REPS2: variants seen among roughly 807,000 people sequenced by gnomAD.
REPS2 encodes the protein RALBP1 associated Eps domain containing 2, also known as ralBP1-associated Eps domain-containing protein 2.
Under a neutral mutation model 53.6 loss-of-function variants are expected in REPS2, and 23 were observed. That is an observed-to-expected ratio of 0.43 (90% CI 0.31 to 0.61). REPS2 has a LOEUF of 0.61. Among genes scored for constraint, REPS2 ranks in the 20% least tolerant of loss-of-function variants. The probability of loss-of-function intolerance (pLI) is 0.11; values close to 1 mark genes in which losing one functional copy is unlikely to be tolerated. For missense variants in REPS2, 446 were observed against 534.9 expected (o/e 0.83, Z 1.64); for synonymous variants, 238 against 218.6 (o/e 1.09, Z -0.78).
intron 1 of REPS2, among the ~76,000 whole-genome samples, chrX:16,982,949 C>A (rs760208118): frequency 1.9e-4 from 21 of 112,523 alleles, no homozygotes; most frequent in Non-Finnish European, 2.8e-4. Context: ...CAAGCAATGG[C>A]AGTTTTGCAT....
the REPS2 span, among the ~76,000 whole-genome samples, chrX:17,164,520 A>G: frequency 1.6e-4 from 18 of 112,451 alleles, no homozygotes; most frequent in African/African-American, 5.8e-4. Flanking sequence ...ATGATAAAAG[A>G]GTCAATTCAT....
the REPS2 span, among the ~76,000 whole-genome samples, chrX:17,168,531 C>T: frequency 9.0e-6 from 1 of 111,108 alleles, no homozygotes; most frequent in African/African-American, 3.3e-5. Context: ...CCCATAGCTT[C>T]TCAGGGATCT....
At chrX:17,012,567 G>T (rs747522173) in intron 2 of REPS2, among the ~76,000 whole-genome samples, 4 of 109,785 alleles carry the variant, frequency 3.6e-5, no homozygotes, top group African/African-American at 1.3e-4. Context: ...CCTAATCAAG[G>T]TGACAGACCC....
At chrX:17,029,423 G>A (rs1056862918) in intron 4 of REPS2, 103 bp from the exon 5 acceptor site, 5 of 566,966 alleles carry the variant, frequency 8.8e-6, no homozygotes, top group Non-Finnish European at 1.2e-5. Context: ...TCTGTTGCCA[G>A]TTCTTTCCTG....
chrX:17,146,995 C>T (rs139880133), intron 17 of REPS2, among the ~76,000 whole-genome samples: 8 of 111,860 alleles, frequency 7.2e-5, no homozygotes, highest in East Asian at 5.6e-4. Context: ...GAGTATGGTG[C>T]GGGATTACGA....
At chrX:16,964,476 A>C (rs2060707342) in intron 1 of REPS2, among the ~76,000 whole-genome samples, 1 of 107,912 alleles carries the variant, frequency 9.3e-6, no homozygotes, top group Non-Finnish European at 1.9e-5. Context: ...TCTTTTCCCC[A>C]CCTTTCCCCC....
chrX:16,962,393 T>C (rs1182925728), intron 1 of REPS2, among the ~76,000 whole-genome samples: 3 of 109,951 alleles, frequency 2.7e-5, no homozygotes, highest in African/African-American at 6.6e-5. Flanking sequence ...GATGAACTTA[T>C]GCTAAGTAAA....
intron 1 of REPS2, among the ~76,000 whole-genome samples, chrX:16,965,385 C>T (rs1286388466): frequency 3.5e-5 from 4 of 112,900 alleles, no homozygotes; most frequent in East Asian, 2.8e-4. Context: ...ACCTCCCTCC[C>T]GGACGAGGTG....
intron 5 of REPS2, among the ~76,000 whole-genome samples, chrX:17,030,481 G>T (rs1036543921): frequency 9.9e-5 from 11 of 111,481 alleles, no homozygotes; most frequent in African/African-American, 3.6e-4. Flanking sequence ...GGTGGTGTCA[G>T]ACACTCCCAT....
At chrX:17,163,799 T>C in the REPS2 span, among the ~76,000 whole-genome samples, 1 of 112,119 alleles carries the variant, frequency 8.9e-6, no homozygotes, top group Admixed American at 9.4e-5. Context: ...AGCAGACCTC[T>C]TCTACAAGAC....
chrX:17,092,002 T>C lies in REPS2; in HGVS notation c.1517-11716T>C, dbSNP rs1025563942. The stretch of plus-strand genomic sequence containing the variant: ...ACATTTTCCATTCCTTGAGTGTTTT[T>C]CCCCCCTTTGGTATTCGAATGCTTT... On this transcript the variant is annotated intron_variant, in intron 13 of 17. Coordinates refer to ENST00000357277, the MANE Select transcript of REPS2 (RefSeq NM_004726.3). Among the ~76,000 whole-genome samples the C allele has an allele frequency of 4.5e-4, 50 of 111,642 alleles. 1 individual carries two copies. The highest frequency in any genetic ancestry group is 7.5e-4 in the Non-Finnish European group (40 of 53,103).
chrX:17,052,213 C>A (rs2062013048), intron 6 of REPS2, among the ~76,000 whole-genome samples, 169 bp from the exon 7 acceptor site: 1 of 112,213 alleles, frequency 8.9e-6, no homozygotes, highest in African/African-American at 3.2e-5. Flanking sequence ...AAAAGCTATT[C>A]ATGTGTTGCT....
At chrX:17,061,677 G>C (rs951513687) in intron 8 of REPS2, among the ~76,000 whole-genome samples, 2 of 112,429 alleles carry the variant, frequency 1.8e-5, no homozygotes, top group African/African-American at 6.5e-5. Context: ...AAATTTTCTA[G>C]CTGTTGAGAT....
chrX:17,099,216 G>C (rs754761070), intron 13 of REPS2, among the ~76,000 whole-genome samples: 2 of 110,932 alleles, frequency 1.8e-5, no homozygotes, highest in South Asian at 7.7e-4. Context: ...AAATATTCTG[G>C]ACATAGAAGC....
the REPS2 span, among the ~76,000 whole-genome samples, chrX:17,166,573 A>T: frequency 8.9e-6 from 1 of 111,905 alleles, no homozygotes; most frequent in Non-Finnish European, 1.9e-5. Context: ...TTATAGAAAA[A>T]CGAATCCACC....
At chrX:17,004,413 C>CT (rs5901599) in intron 1 of REPS2, among the ~76,000 whole-genome samples, 19 of 79,830 alleles carry the variant, frequency 2.4e-4, no homozygotes, top group Non-Finnish European at 2.7e-4. Context: ...CAGAACTAAC[C>CT]TTTTTTTTTT....
At chrX:17,173,897 C>T in the REPS2 span, among the ~76,000 whole-genome samples, 2 of 111,141 alleles carry the variant, frequency 1.8e-5, no homozygotes, top group Non-Finnish European at 3.8e-5. Flanking sequence ...TGCTAAATTG[C>T]TCCCTAGATC....
At chrX:17,004,381 T>A (rs2061338666) in intron 1 of REPS2, among the ~76,000 whole-genome samples, 1 of 105,779 alleles carries the variant, frequency 9.5e-6, no homozygotes, top group Non-Finnish European at 1.9e-5. Context: ...ACTTTGAACC[T>A]TGATGAATGA....
chrX:16,946,729 GGGT>G lies in REPS2; in HGVS notation c.-124_-122del, dbSNP rs1407996395. On this transcript the variant is annotated 5_prime_UTR_variant, in exon 1 of 18. Transcript: ENST00000357277. The stretch of plus-strand genomic sequence containing the variant: ...GCCGCGCGGCAGCTGCGGGGCGTGG[GGGT>G]GGTGGTGGCGGCGGCGGTGGTGGCG... 15 of 668,619 alleles carry G rather than the reference GGGT, an allele frequency of 2.2e-5. No homozygotes were observed. The highest frequency in any genetic ancestry group is 2.5e-5 in the Non-Finnish European group (14 of 569,720). The allele number at this position is 668,619 out of a possible 1,213,427, so 55.1% of individuals were successfully genotyped here.
Sources: gnomAD v4.1 joint callset for allele counts (sites outside exome capture counted in the v4.1 genomes callset) on GRCh38, gnomAD v4.1.1 for gene constraint, MANE v1.5 for transcripts, NCBI Gene and HGNC (gene_info 2026-07-23, HGNC 2026-07-21) for gene names.